The following ZC3HC1 variants were observed in gnomAD, a reference collection of about 807,000 sequenced individuals.
ZC3HC1 encodes zinc finger C3HC-type protein 1.
ZC3HC1 carries 38 observed loss-of-function variants against 61.9 expected under a neutral mutation model. The ratio of observed to expected loss-of-function variants is 0.61; its 90% CI spans 0.47 to 0.81. The LOEUF is 0.81. ZC3HC1 is among the 30% of genes least tolerant of loss of function. ZC3HC1 has a pLI of 0.00. For synonymous variants in ZC3HC1, 213 were observed against 229.9 expected (o/e 0.93, Z 0.67); for missense variants, 554 against 622.7 (o/e 0.89, Z 1.17).
chr7:130,039,673 G>C (rs547547773), intron 3 of ZC3HC1, 126 bp from the exon 4 acceptor site: 1 of 633,580 alleles, frequency 1.6e-6, no homozygotes, highest in South Asian at 2.9e-5. Flanking sequence ...ATATTATCAA[G>C]TACATAATCT....
rs373005568 is a variant in ZC3HC1, at chr7:130,023,754, C to T, written c.1021-31G>A. 1.8e-5 allele frequency: 27 copies of T among 1,519,052 alleles called. No homozygotes were observed. Among genetic ancestry groups the T allele is most frequent in the Middle Eastern group, 1.7e-4 (1 of 5,822 alleles). The allele number at this position is 1,519,052 out of a possible 1,614,324, so 94.1% of individuals were successfully genotyped here. On this transcript the variant is annotated intron_variant, in intron 7 of 9. Coordinates refer to ENST00000358303, the MANE Select transcript of ZC3HC1 (RefSeq NM_016478.5). This position sits in a 1 kb window ranked among gnomAD's most constrained non-coding sequence, Gnocchi z 4.2. ...GGAAAGGGGAGATAATGGAAGTACA[C>T]GAATGATATTAATGATTATGGTCAG...
intron 2 of ZC3HC1, among the ~76,000 whole-genome samples, chr7:130,046,687 G>C (rs565209703): frequency 6.6e-6 from 1 of 152,274 alleles, no homozygotes; most frequent in East Asian, 1.9e-4. Flanking sequence ...AGCACACTAG[G>C]TATGTTTCTA....
intron 2 of ZC3HC1, among the ~76,000 whole-genome samples, chr7:130,048,471 C>T (rs1266231236): frequency 6.6e-6 from 1 of 152,122 alleles, no homozygotes; most frequent in East Asian, 1.9e-4. Context: ...GATTCCTGAT[C>T]CACAGAAATT....
In ZC3HC1 at chr7:130,026,309, A is replaced by G; in HGVS notation, c.625T>C (p.Leu209=). The change falls in exon 6 of 10, where the codon TTG becomes CTG. Residue 209 remains leucine, a synonymous_variant. Coordinates refer to ENST00000358303, the MANE Select transcript of ZC3HC1 (RefSeq NM_016478.5). ...LRPEDLKTMC[L]TEDKISLLLH... ...AGAAGACTGATCTTGTCTTCTGTCA[A>G]GCACTACAAGGGAGCCAAGTAAAAA... The G allele has an allele frequency of 6.2e-7, 1 of 1,612,598 alleles. No individual in the cohort carries two copies. Among genetic ancestry groups the G allele is most frequent in the Non-Finnish European group, 8.5e-7 (1 of 1,178,892 alleles).
At chr7:130,031,399 A>C (rs1794185624) in intron 4 of ZC3HC1, among the ~76,000 whole-genome samples, 1 of 151,656 alleles carries the variant, frequency 6.6e-6, no homozygotes, top group African/African-American at 2.4e-5. Context: ...CAGTCACCGG[A>C]GAGCACAGAA....
chr7:130,032,817 AGAAGGGAAG>A (rs1235577671), intron 4 of ZC3HC1, among the ~76,000 whole-genome samples: 5 of 119,424 alleles, frequency 4.2e-5, no homozygotes. Flanking sequence ...AGGAAAAGAA[AGAAGGGAAG>A]GAAGGGAAAG....
intron 2 of ZC3HC1, among the ~76,000 whole-genome samples, 196 bp from the exon 3 acceptor site, chr7:130,041,297 C>T (rs1794661378): frequency 6.6e-6 from 1 of 151,924 alleles, no homozygotes; most frequent in South Asian, 2.1e-4. Context: ...AAGCAATTCT[C>T]CCACCTCAGC....
Position 130,025,197 on chromosome 7 carries a change from C to T in ZC3HC1, c.777-691G>A, listed in dbSNP as rs888407266. Among the ~76,000 whole-genome samples, 6 of 151,314 alleles carry T rather than the reference C, an allele frequency of 4.0e-5. No individual in the cohort carries two copies. In the South Asian group the frequency reaches 1.0e-3, roughly 26 times the overall value. The stretch of plus-strand genomic sequence containing the variant: ...CTGGGATTAAATAAGTGTGAGCCAC[C>T]GTACCCACCCTCTCTTGTCCCTCTT... On this transcript the variant is annotated intron_variant, in intron 6 of 9. Transcript: ENST00000358303.
intron 2 of ZC3HC1, among the ~76,000 whole-genome samples, chr7:130,045,006 C>T (rs1794809621): frequency 6.6e-6 from 1 of 152,130 alleles, no homozygotes; most frequent in Admixed American, 6.6e-5. Flanking sequence ...AACATGACAA[C>T]TAAATGTACT....
chr7:130,036,004 G>A (rs949564972), intron 4 of ZC3HC1, among the ~76,000 whole-genome samples: 6 of 152,120 alleles, frequency 3.9e-5, no homozygotes, highest in Non-Finnish European at 4.4e-5. Flanking sequence ...GAAGGAGTCT[G>A]CCCCTTTCTG....
chr7:130,040,416 C>A (rs1343616985), intron 3 of ZC3HC1, among the ~76,000 whole-genome samples: 1 of 138,926 alleles, frequency 7.2e-6, no homozygotes, highest in South Asian at 2.2e-4. Context: ...ATGGTGTGAA[C>A]CCAGGAGGCG....
At chr7:130,043,326 A>ATTTT (rs1794751056) in intron 2 of ZC3HC1, 1 of 152,492 alleles carries the variant, frequency 6.6e-6, no homozygotes, top group Non-Finnish European at 1.5e-5. Context: ...GCACAGTAAA[A>ATTTT]AAAAAAGGAT....
chr7:130,031,515 C>T (rs1426130684), intron 4 of ZC3HC1, among the ~76,000 whole-genome samples: 2 of 151,998 alleles, frequency 1.3e-5, no homozygotes, highest in Non-Finnish European at 2.9e-5. Context: ...CACCCTTTTC[C>T]CCAGACAGGT....
Position 130,022,461 on chromosome 7 carries a change from T to G in ZC3HC1, c.1298A>C (p.Asn433Thr). ...SQHRDWCPWV[N>T]ITLGKESREN... Reference sequence around the variant, plus strand: ...CCTGCTTTCTTTGCCAAGTGTGATATTCACCCAAGGGCACCAGTCTCTATG... The same window carrying G: ...CCTGCTTTCTTTGCCAAGTGTGATAGTCACCCAAGGGCACCAGTCTCTATG... Residue 433 changes from asparagine to threonine, a missense_variant, in exon 9 of 10, where the codon AAT becomes ACT. Asn to Thr is a moderately conservative substitution (Grantham distance 65). Coordinates refer to ENST00000358303, the MANE Select transcript of ZC3HC1 (RefSeq NM_016478.5). The G allele has an allele frequency of 6.2e-7, 1 of 1,612,334 alleles. No individual in the cohort carries two copies. The highest frequency in any genetic ancestry group is 8.5e-7 in the Non-Finnish European group (1 of 1,179,142).
At chr7:130,040,864 C>A in intron 3 of ZC3HC1, 87 bp downstream of exon 3, 69 of 1,248,568 alleles carry the variant, frequency 5.5e-5, no homozygotes, top group South Asian at 2.6e-4. Context: ...TTTGATCAAA[C>A]TAAAATGACC....
rs71956602 is a variant in ZC3HC1 at position 130,031,324 on chromosome 7, C to CAAAA, written c.494-2299_494-2296dup. Among the ~76,000 whole-genome samples, 18 of 111,264 alleles carry CAAAA rather than the reference C, an allele frequency of 1.6e-4. 1 individual carries two copies. The highest frequency in any genetic ancestry group is 1.6e-3 in the East Asian group (6 of 3,832). The allele number at this position is 111,264 out of a possible 152,430, so 73.0% of individuals were successfully genotyped here. Reference sequence around the variant, plus strand: ...TGGGCAACAGAGCAAAACTCCATCTCAAAAAAAAAAAAAAAAAACAGAAAA... The same window carrying CAAAA: ...TGGGCAACAGAGCAAAACTCCATCTCAAAAAAAAAAAAAAAAAAAAAACAGAAAA... On this transcript the variant is annotated intron_variant, in intron 4 of 9. Transcript: ENST00000358303.
In ZC3HC1 at chr7:130,023,268, A is replaced by C. The variant is rs994579824; in HGVS notation, c.1233+243T>G. On this transcript the variant is annotated intron_variant, in intron 8 of 9. Transcript: ENST00000358303. This position sits in a 1 kb window ranked among gnomAD's most constrained non-coding sequence, Gnocchi z 4.2. ...GCCAGATCAGGTTTGTCCCTGTATC[A>C]CACCGTTGTTCCATTTGCCTGAAAT... is the stretch of plus-strand genomic sequence containing the variant. Among the ~76,000 whole-genome samples the C allele has an allele frequency of 1.3e-5, 2 of 152,170 alleles. No homozygotes were observed. Among genetic ancestry groups the C allele is most frequent in the East Asian group, 3.8e-4 (2 of 5,200 alleles).
At position 130,024,323 on chromosome 7, in the gene ZC3HC1, T is replaced by C; in HGVS notation, c.960A>G (p.Glu320=). ...GRPERLPLVP[E]SPRRMMTRSQ... The stretch of plus-strand genomic sequence containing the variant: ...TCCGGGTCATCATCCTCCGAGGAGA[T>C]TCAGGCACCAGAGGTAAGCGCTCTG... The change falls in exon 7 of 10, where the codon GAA becomes GAG. Residue 320 remains glutamate, a synonymous_variant. Transcript: ENST00000358303. The C allele has an allele frequency of 6.2e-7, 1 of 1,614,074 alleles. No individual in the cohort carries two copies. The highest frequency in any genetic ancestry group is 8.5e-7 in the Non-Finnish European group (1 of 1,180,004).
intron 2 of ZC3HC1, chr7:130,043,667 C>T (rs989704646): frequency 6.4e-6 from 2 of 312,982 alleles, no homozygotes; most frequent in South Asian, 2.7e-5. Context: ...AGCCATTAGG[C>T]GGTGAACAAG....
Sources: allele counts gnomAD v4.1 joint callset (sites outside exome capture counted in the v4.1 genomes callset), GRCh38; gene constraint gnomAD v4.1.1; non-coding constraint Gnocchi (gnomAD v3.1); transcripts MANE v1.5; gene names NCBI Gene and HGNC (gene_info 2026-07-23, HGNC 2026-07-21).